Variants in UBL3 observed in about 807,000 individuals in gnomAD.
UBL3 encodes the protein ubiquitin like 3, also known as ubiquitin-like protein 3.
UBL3 carries 6 observed loss-of-function variants against 18.4 expected under a neutral mutation model. The ratio of observed to expected loss-of-function variants is 0.33; its 90% confidence interval spans 0.18 to 0.64. The LOEUF is 0.64. Ranked by LOEUF, UBL3 falls within the 30% of genes least tolerant of loss-of-function variation. The pLI is 0.76. For missense variants in UBL3, 109 were observed against 142.9 expected, an observed-to-expected ratio of 0.76 and a Z score of 1.21; for synonymous variants, 49 against 46.6, an observed-to-expected ratio of 1.05 and a Z score of -0.21.
chr13:29,830,278 T>C (rs1172461093), intron 1 of UBL3, among the ~76,000 whole-genome samples: 2 of 152,230 alleles, frequency 1.3e-5, no homozygotes, highest in African/African-American at 4.8e-5. Context: ...GTTGCCATAA[T>C]TTGAAAAGCA....
intron 1 of UBL3, among the ~76,000 whole-genome samples, chr13:29,826,292 C>T (rs1378120741): frequency 2.6e-5 from 4 of 152,142 alleles, no homozygotes; most frequent in Non-Finnish European, 5.9e-5. Flanking sequence ...CTCCTTGTAC[C>T]TCTGCTAGAA....
chr13:29,800,373 T>G (rs1393329137), intron 1 of UBL3, among the ~76,000 whole-genome samples: 1 of 152,180 alleles, frequency 6.6e-6, no homozygotes, highest in Admixed American at 6.5e-5. Flanking sequence ...TAGGCAGATT[T>G]GAGGAGAGAG....
intron 1 of UBL3, among the ~76,000 whole-genome samples, chr13:29,833,040 A>T (rs561699822): frequency 1.6e-4 from 24 of 152,322 alleles, no homozygotes; most frequent in African/African-American, 4.3e-4. Context: ...TTACAACTCA[A>T]ACACAGGGTA....
intron 1 of UBL3, among the ~76,000 whole-genome samples, chr13:29,792,285 T>G (rs929301344): frequency 1.3e-5 from 2 of 152,226 alleles, no homozygotes; most frequent in Non-Finnish European, 2.9e-5. Context: ...TGTTTTCTAA[T>G]ATTTTTTACC....
At position 29,847,925 on chromosome 13, in the gene UBL3, A is replaced by C. The variant is rs144893315; in HGVS notation, c.27+1587T>G. On this transcript the variant is annotated intron_variant, in intron 1 of 4. Transcript: ENST00000380680. ...CACCAGAAGAGAAGCGAAAACTAAA[A>C]GGACAACGCACGAGTTTTAGGACTC... 2.3e-3 allele frequency among the ~76,000 whole-genome samples: 348 copies of C among 152,282 alleles called. 2 individuals carry two copies. Among genetic ancestry groups the C allele is most frequent in the South Asian group, 0.013 (65 of 4,826 alleles).
At chr13:29,827,407 T>A (rs540266231) in intron 1 of UBL3, among the ~76,000 whole-genome samples, 1 of 152,366 alleles carries the variant, frequency 6.6e-6, no homozygotes, top group Non-Finnish European at 1.5e-5. Context: ...TTAGCTCCTC[T>A]TGTTGAATTG....
At chr13:29,801,442 A>G (rs1351776749) in intron 1 of UBL3, among the ~76,000 whole-genome samples, 1 of 152,146 alleles carries the variant, frequency 6.6e-6, no homozygotes, top group Admixed American at 6.5e-5. Flanking sequence ...AAAGCATGAC[A>G]GTCATTGTAC....
At chr13:29,798,195 T>C (rs1877666659) in intron 1 of UBL3, among the ~76,000 whole-genome samples, 2 of 152,064 alleles carry the variant, frequency 1.3e-5, no homozygotes, top group Non-Finnish European at 2.9e-5. Context: ...CAGCTAATTT[T>C]TTGTATTTTT....
At chr13:29,772,895 T>C (rs1212386713) in intron 2 of UBL3, among the ~76,000 whole-genome samples, 1 of 152,070 alleles carries the variant, frequency 6.6e-6, no homozygotes, top group Non-Finnish European at 1.5e-5. Context: ...TAACAGAATA[T>C]TTAACTTCAG....
chr13:29,807,010 G>A (rs1877915208), intron 1 of UBL3, among the ~76,000 whole-genome samples: 1 of 151,922 alleles, frequency 6.6e-6, no homozygotes, highest in Admixed American at 6.6e-5. Flanking sequence ...CTAATATGTA[G>A]TGTACTTCAG....
intron 1 of UBL3, among the ~76,000 whole-genome samples, chr13:29,837,803 G>A (rs569340317): frequency 4.0e-5 from 6 of 151,856 alleles, no homozygotes; most frequent in Admixed American, 1.3e-4. Flanking sequence ...GGTGATATGC[G>A]CCTGTAATCC....
rs567519509 is a variant in UBL3 at position 29,801,575 on chromosome 13, C to T, written c.28-24312G>A. On this transcript the variant is annotated intron_variant, in intron 1 of 4. Transcript: ENST00000380680. Reference sequence around the variant, plus strand: ...CTTGGCTGAACATTCCCACTAGCAACGGCTCAGCATTTCTCTGATTTCGCT... The same window carrying T: ...CTTGGCTGAACATTCCCACTAGCAATGGCTCAGCATTTCTCTGATTTCGCT... 1.7e-4 allele frequency among the ~76,000 whole-genome samples: 26 copies of T among 152,288 alleles called. No homozygotes were observed. In the South Asian group the frequency reaches 2.9e-3, roughly 17 times the overall value.
At chr13:29,822,531 A>G (rs1878485531) in intron 1 of UBL3, among the ~76,000 whole-genome samples, 1 of 152,206 alleles carries the variant, frequency 6.6e-6, no homozygotes, top group African/African-American at 2.4e-5. Flanking sequence ...TTAAAATTAG[A>G]AAAGTGTTTC....
chr13:29,815,451 A>C (rs1420476521), intron 1 of UBL3, among the ~76,000 whole-genome samples: 2 of 152,212 alleles, frequency 1.3e-5, no homozygotes, highest in African/African-American at 4.8e-5. Context: ...ATTTTATCCA[A>C]GTTAGAAATG....
chr13:29,773,249 A>G (rs9508551), intron 2 of UBL3, among the ~76,000 whole-genome samples: 7 of 152,208 alleles, frequency 4.6e-5, no homozygotes, highest in African/African-American at 1.7e-4. Flanking sequence ...ACCACTGCCT[A>G]TAGGTAACTT....
At chr13:29,820,046 T>C (rs1439511608) in intron 1 of UBL3, among the ~76,000 whole-genome samples, 6 of 152,204 alleles carry the variant, frequency 3.9e-5, no homozygotes, top group East Asian at 3.8e-4. Context: ...TTCCAACATA[T>C]GGCTTTTTCT....
At chr13:29,821,701 T>G (rs763646786) in intron 1 of UBL3, among the ~76,000 whole-genome samples, 12 of 152,210 alleles carry the variant, frequency 7.9e-5, no homozygotes, top group Non-Finnish European at 1.6e-4. Context: ...TAAAAATCTT[T>G]TATTTGCTTT....
In UBL3 at chr13:29,800,601, TA is replaced by T. The variant is rs1458160474; in HGVS notation, c.28-23339del. Among the ~76,000 whole-genome samples the T allele has an allele frequency of 3.3e-5, 5 of 151,820 alleles. No homozygotes were observed. In the East Asian group the frequency reaches 5.8e-4, roughly 18 times the overall value. ...TAAAGTGTGAATGTTTTAATACAAC[TA>T]AAAAAAAGAAGATAAAAGAAAAAAT... On this transcript the variant is annotated intron_variant, in intron 1 of 4. Transcript: ENST00000380680.
intron 1 of UBL3, chr13:29,779,130 T>G: frequency 2.5e-6 from 1 of 406,174 alleles, no homozygotes; most frequent in Non-Finnish European, 4.7e-6. Flanking sequence ...CAAGAATGAT[T>G]ACACTCTACG....
Sources: gnomAD v4.1 joint callset for allele counts (sites outside exome capture counted in the v4.1 genomes callset) on GRCh38, gnomAD v4.1.1 for gene constraint, MANE v1.5 for transcripts, NCBI Gene and HGNC (gene_info 2026-07-23, HGNC 2026-07-21) for gene names.